Variants in CPNE4 observed in about 807,000 individuals in gnomAD.
The protein encoded by CPNE4 is copine 4, also known as copine-4.
A neutral mutation model predicts 67.9 loss-of-function variants in CPNE4; 25 were observed. The ratio of observed to expected loss-of-function variants is 0.37; its 90% confidence interval spans 0.27 to 0.51. CPNE4 has a LOEUF of 0.51. Among genes scored for constraint, CPNE4 ranks in the 20% least tolerant of loss-of-function variants. The pLI is 0.93. For missense variants in CPNE4, 464 were observed against 690.8 expected, an observed-to-expected ratio of 0.67 and a Z score of 3.68; for synonymous variants, 242 against 244.9, an observed-to-expected ratio of 0.99 and a Z score of 0.11.
chr3:131,880,084 T>C lies in CPNE4; in HGVS notation c.180+25180A>G, dbSNP rs138765196. Among the ~76,000 whole-genome samples, 575 of 152,032 alleles carry C rather than the reference T, an allele frequency of 3.8e-3. 6 individuals are homozygous for C. The highest frequency in any genetic ancestry group is 0.013 in the African/African-American group (538 of 41,458). On this transcript the variant is annotated intron_variant, in intron 2 of 15. Transcript: ENST00000429747. ...GGGATCATAACTGTTCATTCTCATATCTCATGACAAAGACGGTCCATGGCA... is the reference window on the plus strand; with the variant it reads ...GGGATCATAACTGTTCATTCTCATACCTCATGACAAAGACGGTCCATGGCA...
At chr3:131,951,966 G>A (rs1216545697) in intron 1 of CPNE4, among the ~76,000 whole-genome samples, 2 of 152,152 alleles carry the variant, frequency 1.3e-5, no homozygotes, top group Non-Finnish European at 2.9e-5. Context: ...CAAGATTGCA[G>A]CCTCTGCCCA....
At chr3:131,791,414 GA>G (rs1560318334) in intron 2 of CPNE4, among the ~76,000 whole-genome samples, 1 of 152,096 alleles carries the variant, frequency 6.6e-6, no homozygotes. Flanking sequence ...GGAAAGAAAA[GA>G]ACTGGAAAAC....
intron 7 of CPNE4, among the ~76,000 whole-genome samples, chr3:131,605,909 C>T (rs1939472623): frequency 6.6e-6 from 1 of 152,110 alleles, no homozygotes; most frequent in Admixed American, 6.5e-5. Context: ...TAATATTTGG[C>T]CATGAAAAGT....
chr3:131,721,772 G>C (rs1435303418), intron 3 of CPNE4, among the ~76,000 whole-genome samples: 3 of 152,034 alleles, frequency 2.0e-5, no homozygotes, highest in Admixed American at 6.6e-5. Flanking sequence ...GGAGAATCTT[G>C]GCATGGCTTA....
intron 6 of CPNE4, among the ~76,000 whole-genome samples, chr3:131,670,758 G>C (rs2080389885): frequency 6.6e-6 from 1 of 152,114 alleles, no homozygotes; most frequent in Non-Finnish European, 1.5e-5. Flanking sequence ...ATGGAATTCT[G>C]TCATATTGAT....
intron 6 of CPNE4, among the ~76,000 whole-genome samples, chr3:131,678,646 G>A (rs1266087430): frequency 6.6e-6 from 1 of 152,118 alleles, no homozygotes; most frequent in East Asian, 1.9e-4. Context: ...TTAACATTAA[G>A]GAATGTTAAA....
intron 1 of CPNE4, among the ~76,000 whole-genome samples, chr3:131,924,369 C>T (rs1474116848): frequency 6.6e-6 from 1 of 152,054 alleles, no homozygotes; most frequent in Non-Finnish European, 1.5e-5. Flanking sequence ...AGCACTTCAC[C>T]AAATATCATA....
intron 8 of CPNE4, among the ~76,000 whole-genome samples, chr3:131,584,939 C>A (rs903735898): frequency 4.6e-5 from 7 of 152,298 alleles, no homozygotes; most frequent in African/African-American, 1.4e-4. Flanking sequence ...CTGGCCTCTG[C>A]CTCTATATCT....
At chr3:131,858,169 T>G (rs1212728243) in intron 2 of CPNE4, among the ~76,000 whole-genome samples, 1 of 152,152 alleles carries the variant, frequency 6.6e-6, no homozygotes, top group Non-Finnish European at 1.5e-5. Flanking sequence ...TGATTTGTCC[T>G]CTGAGAACAT....
chr3:131,795,183 CTTA>C (rs1201207538), intron 2 of CPNE4, among the ~76,000 whole-genome samples: 1 of 152,152 alleles, frequency 6.6e-6, no homozygotes, highest in Non-Finnish European at 1.5e-5. Context: ...TGGAAATATT[CTTA>C]TTGTTACTGT....
At chr3:131,817,845 C>T (rs1400849758) in intron 2 of CPNE4, among the ~76,000 whole-genome samples, 1 of 152,182 alleles carries the variant, frequency 6.6e-6, no homozygotes, top group Non-Finnish European at 1.5e-5. Flanking sequence ...GAATAAGCAA[C>T]ATTTTACCAC....
intron 2 of CPNE4, among the ~76,000 whole-genome samples, chr3:131,781,973 A>G (rs1182394942): frequency 6.6e-6 from 1 of 152,090 alleles, no homozygotes; most frequent in South Asian, 2.1e-4. Flanking sequence ...GGTGCTCAAG[A>G]GTTGTCTGTT....
At chr3:131,973,663 C>T (rs887605353) in intron 1 of CPNE4, among the ~76,000 whole-genome samples, 1 of 152,290 alleles carries the variant, frequency 6.6e-6, no homozygotes, top group South Asian at 2.1e-4. Flanking sequence ...ATGTTTTCAA[C>T]TCAGTATACT....
intron 1 of CPNE4, among the ~76,000 whole-genome samples, chr3:131,921,699 A>G (rs187141632): frequency 2.9e-4 from 44 of 152,320 alleles, no homozygotes; most frequent in Admixed American, 2.5e-3. Flanking sequence ...GTGAGGATTC[A>G]GTGAGCAACA....
intron 2 of CPNE4, among the ~76,000 whole-genome samples, chr3:131,878,956 T>C (rs1040783105): frequency 3.9e-5 from 6 of 152,232 alleles, no homozygotes; most frequent in African/African-American, 1.4e-4. Flanking sequence ...CCCTTAGTAT[T>C]TGAATAAATA....
At chr3:131,948,837 G>A (rs2071636389) in intron 1 of CPNE4, among the ~76,000 whole-genome samples, 1 of 152,080 alleles carries the variant, frequency 6.6e-6, no homozygotes, top group Non-Finnish European at 1.5e-5. Flanking sequence ...AGTACAGAGA[G>A]ACTTAATATA....
At position 131,746,368 on chromosome 3, in the gene CPNE4, C is replaced by T. The variant is rs566503550; in HGVS notation, c.181-22743G>A. On this transcript the variant is annotated intron_variant, in intron 2 of 15. Coordinates refer to ENST00000429747, the MANE Select transcript of CPNE4 (RefSeq NM_130808.3). ...TCTACCGTACAATAAAACAGCAGAA[C>T]TTATTTATTCTATCTGTAACTTTGT... is the stretch of plus-strand genomic sequence containing the variant. Among the ~76,000 whole-genome samples the T allele has an allele frequency of 3.3e-5, 5 of 152,176 alleles. No homozygotes were observed. The East Asian group carries it at 9.6e-4, about 29-fold the overall frequency.
intron 1 of CPNE4, among the ~76,000 whole-genome samples, chr3:131,994,937 T>C (rs2073253030): frequency 1.3e-5 from 2 of 152,232 alleles, no homozygotes; most frequent in Admixed American, 6.5e-5. Context: ...TAAAAATGTA[T>C]TGCTCTCTTT....
intron 2 of CPNE4, among the ~76,000 whole-genome samples, chr3:131,788,504 C>T (rs1320472992): frequency 6.6e-6 from 1 of 152,058 alleles, no homozygotes; most frequent in African/African-American, 2.4e-5. Context: ...AGGTAATACT[C>T]AATGTTGACA....
Sources: gnomAD v4.1 joint callset for allele counts (sites outside exome capture counted in the v4.1 genomes callset) on GRCh38, gnomAD v4.1.1 for gene constraint, MANE v1.5 for transcripts, NCBI Gene and HGNC (gene_info 2026-07-23, HGNC 2026-07-21) for gene names.